CFAP95: variants seen among roughly 807,000 people sequenced by gnomAD.
The protein encoded by CFAP95 is cilia and flagella associated protein 95.
the CFAP95 span, among the ~76,000 whole-genome samples, chr9:69,882,638 T>G: frequency 3.9e-5 from 6 of 152,200 alleles, no homozygotes; most frequent in Admixed American, 3.3e-4. Context: ...CTCAATTTTT[T>G]GAGGATGTGT....
the CFAP95 span, among the ~76,000 whole-genome samples, chr9:69,856,886 G>A: frequency 6.7e-6 from 1 of 149,718 alleles, no homozygotes; most frequent in South Asian, 2.1e-4. Context: ...ACTTATTCTG[G>A]GCCCAGCTAA....
At chr9:69,856,714 T>C in the CFAP95 span, 3 of 1,414,934 alleles carry the variant, frequency 2.1e-6, no homozygotes, top group Non-Finnish European at 3.0e-6. Context: ...AATGTGGACA[T>C]GCAGAAAGGA....
the CFAP95 span, among the ~76,000 whole-genome samples, chr9:69,831,375 CT>C: frequency 6.6e-6 from 1 of 151,916 alleles, no homozygotes; most frequent in East Asian, 1.9e-4. Flanking sequence ...ATTAAATAAG[CT>C]TTTTTTAAAA....
the CFAP95 span, among the ~76,000 whole-genome samples, chr9:69,869,421 A>G: frequency 2.6e-5 from 4 of 152,164 alleles, no homozygotes; most frequent in African/African-American, 9.6e-5. Context: ...AGAAGCTGAG[A>G]GTAGAATGGT....
chr9:69,886,784 A>G, the CFAP95 span: 1 of 1,340,034 alleles, frequency 7.5e-7, no homozygotes, highest in Non-Finnish European at 1.1e-6. Flanking sequence ...ATAAAAATGT[A>G]AAATATTTTT....
At chr9:69,883,844 A>G in the CFAP95 span, among the ~76,000 whole-genome samples, 1 of 151,692 alleles carries the variant, frequency 6.6e-6, no homozygotes, top group African/African-American at 2.4e-5. Flanking sequence ...ATTAAAAAAA[A>G]ATCATTCTTT....
At chr9:69,861,778 A>G in the CFAP95 span, among the ~76,000 whole-genome samples, 2 of 144,376 alleles carry the variant, frequency 1.4e-5, no homozygotes, top group African/African-American at 5.1e-5. Flanking sequence ...AAGTCTCTTT[A>G]CTGTGGTTTT....
At chr9:69,869,252 C>T in the CFAP95 span, among the ~76,000 whole-genome samples, 4 of 152,162 alleles carry the variant, frequency 2.6e-5, no homozygotes, top group East Asian at 5.8e-4. Flanking sequence ...CCTAAGTGTC[C>T]GTTGATGGAT....
the CFAP95 span, among the ~76,000 whole-genome samples, chr9:69,836,095 T>A: frequency 4.6e-5 from 7 of 152,198 alleles, no homozygotes; most frequent in Non-Finnish European, 1.0e-4. Context: ...ATGAGATTGT[T>A]TTTACTGATT....
the CFAP95 span, among the ~76,000 whole-genome samples, chr9:69,864,330 CGT>C: frequency 4.8e-3 from 724 of 150,202 alleles, 8 homozygotes; most frequent in Non-Finnish European, 7.9e-3. Context: ...TGTGTGTATA[CGT>C]GTGTGTGTGT....
chr9:69,895,361 C>G, the CFAP95 span, among the ~76,000 whole-genome samples: 181 of 91,778 alleles, frequency 2.0e-3, no homozygotes, highest in South Asian at 7.0e-3. Flanking sequence ...CTCTCTCTCT[C>G]TCTCTCTCTG....
At chr9:69,834,998 A>G in the CFAP95 span, among the ~76,000 whole-genome samples, 1 of 152,230 alleles carries the variant, frequency 6.6e-6, no homozygotes, top group African/African-American at 2.4e-5. Flanking sequence ...GAAATCTTCA[A>G]AGAGTATTGT....
the CFAP95 span, chr9:69,820,836 G>C: frequency 6.3e-7 from 1 of 1,591,918 alleles, no homozygotes; most frequent in Non-Finnish European, 8.6e-7. Flanking sequence ...GGGCAGGACA[G>C]GTGCATAGGG....
chr9:69,889,719 T>G, the CFAP95 span, among the ~76,000 whole-genome samples: 1 of 152,130 alleles, frequency 6.6e-6, no homozygotes, highest in Non-Finnish European at 1.5e-5. Context: ...TATTGTTTTT[T>G]GGGGGATGGC....
chr9:69,870,312 C>T, the CFAP95 span, among the ~76,000 whole-genome samples: 1 of 152,124 alleles, frequency 6.6e-6, no homozygotes, highest in South Asian at 2.1e-4. Context: ...CCAATTAATA[C>T]TTGTGTATCA....
At chr9:69,874,133 C>T in the CFAP95 span, among the ~76,000 whole-genome samples, 14 of 152,102 alleles carry the variant, frequency 9.2e-5, no homozygotes, top group Non-Finnish European at 1.9e-4. Context: ...TTACTGGTTT[C>T]TGGTTTTACA....
At chr9:69,871,917 A>G in the CFAP95 span, among the ~76,000 whole-genome samples, 2 of 152,128 alleles carry the variant, frequency 1.3e-5, no homozygotes, top group Non-Finnish European at 2.9e-5. Flanking sequence ...GTTTAATATC[A>G]TTACAGTATA....
At chr9:69,886,249 G>A in the CFAP95 span, among the ~76,000 whole-genome samples, 2 of 152,038 alleles carry the variant, frequency 1.3e-5, no homozygotes, top group Non-Finnish European at 2.9e-5. Flanking sequence ...GGTGGTGCAG[G>A]CATTCAGATA....
At chr9:69,849,800 A>C in the CFAP95 span, among the ~76,000 whole-genome samples, 3 of 152,178 alleles carry the variant, frequency 2.0e-5, no homozygotes, top group Non-Finnish European at 4.4e-5. Flanking sequence ...CCATTGGGGA[A>C]ATAGATTCAC....
Sources: gnomAD v4.1 joint callset for allele counts (sites outside exome capture counted in the v4.1 genomes callset) on GRCh38, gnomAD v4.1.1 for gene constraint, MANE v1.5 for transcripts, NCBI Gene and HGNC (gene_info 2026-07-23, HGNC 2026-07-21) for gene names.